Variants in AMER2 observed in about 807,000 individuals in gnomAD.
AMER2 encodes the protein family with sequence similarity 123A.
A neutral mutation model predicts 4.7 loss-of-function variants in AMER2; 1 was observed. The observed-to-expected ratio is 0.21, with a 90% confidence interval of 0.07 to 1.00. AMER2 has a LOEUF of 1.00. Among genes scored for constraint, AMER2 ranks in the 50% least tolerant of loss-of-function variants. AMER2 has a pLI of 0.60. For synonymous variants in AMER2, 485 were observed against 433.3 expected (o/e 1.12, Z -1.48); for missense variants, 988 against 966.9 (o/e 1.02, Z -0.29).
Position 25,171,165 on chromosome 13 carries a change from A to G in AMER2, c.455T>C (p.Leu152Pro), listed in dbSNP as rs756157771. 5.9e-6 allele frequency: 9 copies of G among 1,534,176 alleles called. No individual in the cohort carries two copies. The highest frequency in any genetic ancestry group is 7.9e-6 in the Non-Finnish European group (9 of 1,141,118). The change falls in exon 1 of 1, where the codon CTC (leucine) becomes CCC (proline). Residue 152 changes from leucine to proline, a missense_variant. By Grantham distance (98) the Leu-to-Pro change is moderately conservative. Coordinates refer to ENST00000515384, the MANE Select transcript of AMER2 (RefSeq NM_152704.4). This position sits in a 1 kb window ranked among gnomAD's most constrained non-coding sequence, Gnocchi z 5.9. ...CGACTTGGCCACCGAGCTGCTGGCG[A>G]GGGAGCCCCCGCCGGGCCCTGCGGC... is the stretch of plus-strand genomic sequence containing the variant. ...PRAAGPGGGSLASSSVAKSHS... is the reference protein window; with the variant it reads ...PRAAGPGGGSPASSSVAKSHS...
rs767114243 is a variant in AMER2 at position 25,169,958 on chromosome 13, C to T, written c.1662G>A (p.Ala554=). 6 of 1,614,114 alleles carry T rather than the reference C, an allele frequency of 3.7e-6. No homozygotes were observed. Among genetic ancestry groups the T allele is most frequent in the African/African-American group, 1.3e-5 (1 of 75,050 alleles). Residue 554 remains alanine (A), a synonymous_variant, in exon 1 of 1, where the codon GCG becomes GCA. Transcript: ENST00000515384. This position sits in a 1 kb window ranked among gnomAD's most constrained non-coding sequence, Gnocchi z 4.2. ...GIPRDSYSGD[A]LYDLYADPDG... ...CCGGGTCAGCATAGAGATCATAGAG[C>T]GCGTCCCCGCTGTAGCTATCCCGGG...
rs1431358707 is a variant in AMER2, at chr13:25,166,692, T to A, written c.*2912A>T. ...AAAAGTCAGCAAATATGGGCCTGAA[T>A]AATCTTCACAAGGTCATTAGATATA... On this transcript the variant is annotated 3_prime_UTR_variant, in exon 1 of 1. Transcript: ENST00000515384. 6.6e-6 allele frequency: 1 copy of A among 152,230 alleles called. No individual in the cohort carries two copies. Among genetic ancestry groups the A allele is most frequent in the African/African-American group, 2.4e-5 (1 of 41,456 alleles). 9.4% of individuals were successfully genotyped at this position (152,230 alleles called of 1,614,324 possible). A position where few individuals can be genotyped will look rare whatever the true frequency, so the allele number is the denominator to read the frequency against.
In AMER2 at chr13:25,171,162, G is replaced by C. The variant is rs964123456; in HGVS notation, c.458C>G (p.Ala153Gly). Residue 153 changes from alanine (A) to glycine (G), a missense_variant, in exon 1 of 1, where the codon GCC (alanine) becomes GGC (glycine). Ala to Gly is a moderately conservative substitution (Grantham distance 60). Coordinates refer to ENST00000515384, the MANE Select transcript of AMER2 (RefSeq NM_152704.4). This position sits in a 1 kb window ranked among gnomAD's most constrained non-coding sequence, Gnocchi z 5.9. ...RAAGPGGGSL[A>G]SSSVAKSHSF... ...GTGCGACTTGGCCACCGAGCTGCTG[G>C]CGAGGGAGCCCCCGCCGGGCCCTGC... The C allele has an allele frequency of 2.6e-6, 4 of 1,536,642 alleles. No homozygotes were observed. The East Asian group carries it at 1.1e-4, about 41-fold the overall frequency.
Position 25,170,174 on chromosome 13 carries a change from G to C in AMER2, c.1446C>G (p.Ala482=). ...TGCGCTTGACCGAGGACGCGTCCTTGGCCGCTTCCACACACCTGGTGTCTT... is the reference window on the plus strand; with the variant it reads ...TGCGCTTGACCGAGGACGCGTCCTTCGCCGCTTCCACACACCTGGTGTCTT... ...TPKDTRCVEA[A]KDASSVKRRR... is the part of the protein sequence containing the mutation. The change falls in exon 1 of 1, where the codon GCC becomes GCG. Residue 482 remains alanine, a synonymous_variant. Coordinates refer to ENST00000515384, the MANE Select transcript of AMER2 (RefSeq NM_152704.4). The surrounding 1 kb of genome is among the most constrained non-coding windows in gnomAD (Gnocchi z 7.3). 1 of 1,613,704 alleles carries C rather than the reference G, an allele frequency of 6.2e-7. No homozygotes were observed. Among genetic ancestry groups the C allele is most frequent in the South Asian group, 1.1e-5 (1 of 91,016 alleles).
Position 25,169,874 on chromosome 13 carries a change from G to A in AMER2, c.1746C>T (p.Ser582=), listed in dbSNP as rs35684062. Residue 582 remains serine, a synonymous_variant, in exon 1 of 1, where the codon TCC becomes TCT. Coordinates refer to ENST00000515384, the MANE Select transcript of AMER2 (RefSeq NM_152704.4). The surrounding 1 kb of genome is among the most constrained non-coding windows in gnomAD (Gnocchi z 4.2). ...GKDNEETSSL[S]RLKPVSPGTI... ...TGCCTGGAGATACGGGCTTTAACCG[G>A]GACAGGGAGGACGTCTCCTCGTTGT... The A allele has an allele frequency of 9.9e-4, 1,599 of 1,614,154 alleles. 14 individuals are homozygous for A. In the African/African-American group the frequency reaches 0.019, roughly 19 times the overall value.
chr13:25,163,971 G>A lies in AMER2; in HGVS notation c.*5633C>T, dbSNP rs117655140. ...AAATACAAAAACTAACGGGCATGGT[G>A]GTGCACGCCTGTAGTCTCAGCTACT... On this transcript the variant is annotated 3_prime_UTR_variant, in exon 1 of 1. Transcript: ENST00000515384. 14,278 of 151,866 alleles carry A rather than the reference G, an allele frequency of 0.094. 939 individuals carry two copies. The highest frequency in any genetic ancestry group is 0.22 in the East Asian group (1,108 of 5,134). 9.4% of individuals were successfully genotyped at this position (151,866 alleles called of 1,614,324 possible).
At position 25,170,653 on chromosome 13, in the gene AMER2, C is replaced by T. The variant is rs756046964; in HGVS notation, c.967G>A (p.Gly323Arg). 16 of 1,551,574 alleles carry T rather than the reference C, an allele frequency of 1.0e-5. No homozygotes were observed. The African/African-American group carries it at 1.8e-4, about 17-fold the overall frequency. ...VRTAEDASRTGAVPVKTVPLV... is the reference protein window; with the variant it reads ...VRTAEDASRTRAVPVKTVPLV... Reference sequence around the variant, plus strand: ...GGGACCGTCTTTACGGGAACGGCCCCCGTCCTGGAAGCGTCCTCTGCCGTG... The same window carrying T: ...GGGACCGTCTTTACGGGAACGGCCCTCGTCCTGGAAGCGTCCTCTGCCGTG... Residue 323 changes from glycine (G) to arginine (R), a missense_variant, in exon 1 of 1, where the codon GGG becomes AGG. Physicochemically the swap from Gly to Arg is moderately radical, Grantham distance 125 (BLOSUM62 -2). Transcript: ENST00000515384. This position sits in a 1 kb window ranked among gnomAD's most constrained non-coding sequence, Gnocchi z 7.3.
In AMER2 at chr13:25,169,953, T is replaced by G. The variant is rs761614443; in HGVS notation, c.1667A>C (p.Tyr556Ser). ...PRDSYSGDAL[Y>S]DLYADPDGSP... Reference sequence around the variant, plus strand: ...TCCGTCCGGGTCAGCATAGAGATCATAGAGCGCGTCCCCGCTGTAGCTATC... The same window carrying G: ...TCCGTCCGGGTCAGCATAGAGATCAGAGAGCGCGTCCCCGCTGTAGCTATC... Residue 556 changes from tyrosine (Y) to serine (S), a missense_variant, in exon 1 of 1, where the codon TAT becomes TCT. Transcript: ENST00000515384. The surrounding 1 kb of genome is among the most constrained non-coding windows in gnomAD (Gnocchi z 4.2). 7 of 1,614,010 alleles carry G rather than the reference T, an allele frequency of 4.3e-6. No homozygotes were observed. Among genetic ancestry groups the G allele is most frequent in the Non-Finnish European group, 3.4e-6 (4 of 1,180,016 alleles).
chr13:25,171,510 C>T lies in AMER2; in HGVS notation c.110G>A (p.Gly37Glu). 6.2e-7 allele frequency: 1 copy of T among 1,601,186 alleles called. No homozygotes were observed. The highest frequency in any genetic ancestry group is 8.5e-7 in the Non-Finnish European group (1 of 1,177,166). ...RRKAEAGAGT[G>E]TLAADMDLHC... ...CAAGTCCATGTCTGCCGCGAGGGTC[C>T]CGGTCCCGGCCCCGGCCTCCGCCTT... Residue 37 changes from glycine to glutamate, a missense_variant, in exon 1 of 1, where the codon GGG (glycine) becomes GAG (glutamate). Transcript: ENST00000515384. This position sits in a 1 kb window ranked among gnomAD's most constrained non-coding sequence, Gnocchi z 5.9.
rs1383201692 is a variant in AMER2 at position 25,164,140 on chromosome 13, C to T, written c.*5464G>A. On this transcript the variant is annotated 3_prime_UTR_variant, in exon 1 of 1. Transcript: ENST00000515384. Reference sequence around the variant, plus strand: ...AAAAAAAAAATTAAAGAGGGTAGATCTCATATTCAATATTCTTACTGCAAT... The same window carrying T: ...AAAAAAAAAATTAAAGAGGGTAGATTTCATATTCAATATTCTTACTGCAAT... 6.7e-6 allele frequency: 1 copy of T among 150,290 alleles called. No homozygotes were observed. Among genetic ancestry groups the T allele is most frequent in the African/African-American group, 2.5e-5 (1 of 40,760 alleles). The allele number at this position is 150,290 out of a possible 1,614,324, so 9.3% of individuals were successfully genotyped here.
Position 25,171,023 on chromosome 13 carries a change from G to T in AMER2, c.597C>A (p.Ser199Arg), listed in dbSNP as rs760061851. Residue 199 changes from serine to arginine, a missense_variant, in exon 1 of 1, where the codon AGC (serine) becomes AGA (arginine). Physicochemically the swap from Ser to Arg is moderately radical, Grantham distance 110. Transcript: ENST00000515384. This position sits in a 1 kb window ranked among gnomAD's most constrained non-coding sequence, Gnocchi z 5.9. ...TGTCTTTCCTGTGCCAGCGCATGCC[G>T]CTGAACAGCCCCCGCAGCCCCCGCT... ...KQKRGLRGLF[S>R]GMRWHRKDKR... 7 of 1,571,642 alleles carry T rather than the reference G, an allele frequency of 4.5e-6. No individual in the cohort carries two copies. Among genetic ancestry groups the T allele is most frequent in the African/African-American group, 4.2e-5 (3 of 71,138 alleles).
At position 25,170,899 on chromosome 13, in the gene AMER2, TCTC is replaced by T; in HGVS notation, c.718_720del (p.Glu240del). Reference sequence around the variant, plus strand: ...TCCGGCTCGCGCGCGGCTCTGGGCGTCTCCTCCTTGACGCACTCCAGGCTGGCG... The same window carrying T: ...TCCGGCTCGCGCGCGGCTCTGGGCGTCTCCTTGACGCACTCCAGGCTGGCG... On this transcript the variant is annotated inframe_deletion, in exon 1 of 1. Coordinates refer to ENST00000515384, the MANE Select transcript of AMER2 (RefSeq NM_152704.4). The surrounding 1 kb of genome is among the most constrained non-coding windows in gnomAD (Gnocchi z 7.3). The T allele has an allele frequency of 1.4e-6, 2 of 1,467,340 alleles. No homozygotes were observed. Among genetic ancestry groups the T allele is most frequent in the Non-Finnish European group, 1.8e-6 (2 of 1,117,438 alleles). The allele number at this position is 1,467,340 out of a possible 1,614,324, so 90.9% of individuals were successfully genotyped here. A position where few individuals can be genotyped will look rare whatever the true frequency, so the allele number is the denominator to read the frequency against.
Position 25,170,146 on chromosome 13 carries a change from T to A in AMER2, c.1474A>T (p.Arg492Trp). Residue 492 changes from arginine to tryptophan, a missense_variant, in exon 1 of 1, where the codon AGG becomes TGG. Arg to Trp is a moderately radical substitution (Grantham distance 101, BLOSUM62 -3). Coordinates refer to ENST00000515384, the MANE Select transcript of AMER2 (RefSeq NM_152704.4). This position sits in a 1 kb window ranked among gnomAD's most constrained non-coding sequence, Gnocchi z 7.3. ...GGCTCGATGGGAATCCGGTTGAGCC[T>A]CCTGCGCTTGACCGAGGACGCGTCC... ...AKDASSVKRR[R>W]LNRIPIEPHP... 6.2e-7 allele frequency: 1 copy of A among 1,614,062 alleles called. No individual in the cohort carries two copies. Among genetic ancestry groups the A allele is most frequent in the Non-Finnish European group, 8.5e-7 (1 of 1,180,004 alleles).
rs1956417425 is a variant in AMER2, at chr13:25,162,271, G to A, written c.*7333C>T. ...CCAGCAACTCCCTATATTACACTGA[G>A]ATACTTTATATAAATAACGTGGGCG... On this transcript the variant is annotated 3_prime_UTR_variant, in exon 1 of 1. Coordinates refer to ENST00000515384, the MANE Select transcript of AMER2 (RefSeq NM_152704.4). 6.6e-6 allele frequency: 1 copy of A among 152,042 alleles called. No homozygotes were observed. Among genetic ancestry groups the A allele is most frequent in the African/African-American group, 2.4e-5 (1 of 41,372 alleles). The allele number at this position is 152,042 out of a possible 1,614,324, so 9.4% of individuals were successfully genotyped here.
Position 25,161,978 on chromosome 13 carries a change from G to A in AMER2, c.*7626C>T, listed in dbSNP as rs2137426291. On this transcript the variant is annotated 3_prime_UTR_variant, in exon 1 of 1. Transcript: ENST00000515384. ...CATTAAACCATTGGAGTGGAGAAAGGAGGAAAGACCCTATTGCTATTTAGA... is the reference window on the plus strand; with the variant it reads ...CATTAAACCATTGGAGTGGAGAAAGAAGGAAAGACCCTATTGCTATTTAGA... The A allele has an allele frequency of 2.0e-5, 3 of 152,242 alleles. No homozygotes were observed. In the South Asian group the frequency reaches 6.2e-4, roughly 32 times the overall value. The allele number at this position is 152,242 out of a possible 1,614,324, so 9.4% of individuals were successfully genotyped here. A position where few individuals can be genotyped will look rare whatever the true frequency, so the allele number is the denominator to read the frequency against.
In AMER2 at chr13:25,164,523, T is replaced by TC. The variant is rs1956453597; in HGVS notation, c.*5080dup. On this transcript the variant is annotated 3_prime_UTR_variant, in exon 1 of 1. Coordinates refer to ENST00000515384, the MANE Select transcript of AMER2 (RefSeq NM_152704.4). ...AATGACACTAAGCAGTGCTTAGCTC[T>TC]CTATTACTGAAAATCACTAAAGAGT... 1 of 137,624 alleles carries TC rather than the reference T, an allele frequency of 7.3e-6. No individual in the cohort carries two copies. Among genetic ancestry groups the TC allele is most frequent in the African/African-American group, 2.8e-5 (1 of 35,714 alleles). The allele number at this position is 137,624 out of a possible 1,614,324, so 8.5% of individuals were successfully genotyped here.
rs145230863 is a variant in AMER2, at chr13:25,170,375, C to A, written c.1245G>T (p.Val415=). ...CTTCCCCGCCTCCTTGGTAGGCCAC[C>A]ACGCCGGGGTTCTTTTTAGACAGAG... ...KPALSKKNPG[V]VAYQGGGEEM... The change falls in exon 1 of 1, where the codon GTG becomes GTT. Residue 415 remains valine, a synonymous_variant. Transcript: ENST00000515384. The surrounding 1 kb of genome is among the most constrained non-coding windows in gnomAD (Gnocchi z 7.3). 3,019 of 1,614,108 alleles carry A rather than the reference C, an allele frequency of 1.9e-3. 24 individuals are homozygous for A. The highest frequency in any genetic ancestry group is 0.011 in the South Asian group (987 of 91,068).
Position 25,170,506 on chromosome 13 carries a change from G to A in AMER2, c.1114C>T (p.Leu372=), listed in dbSNP as rs768486921. 1.9e-6 allele frequency: 3 copies of A among 1,614,230 alleles called. No homozygotes were observed. Among genetic ancestry groups the A allele is most frequent in the Non-Finnish European group, 2.5e-6 (3 of 1,180,030 alleles). Reference sequence around the variant, plus strand: ...CCTGTAAGAGAGTCAAAGCTTTTCAGTGAAGTCACGTCAGAAAACATCAAA... The same window carrying A: ...CCTGTAAGAGAGTCAAAGCTTTTCAATGAAGTCACGTCAGAAAACATCAAA... ...ICLMFSDVTS[L]KSFDSLTGCG... Residue 372 remains leucine, a synonymous_variant, in exon 1 of 1, where the codon CTG becomes TTG. Coordinates refer to ENST00000515384, the MANE Select transcript of AMER2 (RefSeq NM_152704.4). The surrounding 1 kb of genome is among the most constrained non-coding windows in gnomAD (Gnocchi z 7.3).
In AMER2 at chr13:25,171,094, C is replaced by T. The variant is rs764359259; in HGVS notation, c.526G>A (p.Gly176Ser). 3.2e-6 allele frequency: 5 copies of T among 1,566,836 alleles called. No homozygotes were observed. Among genetic ancestry groups the T allele is most frequent in the Non-Finnish European group, 4.3e-6 (5 of 1,157,700 alleles). ...CTCGCGTCCACAGGCTCTCCCTTGC[C>T]GTTTTCCGAGCGCCCGTTCTTCTTC... ...LLKKNGRSEN[G>S]KGEPVDASKA... The change falls in exon 1 of 1, where the codon GGC (glycine) becomes AGC (serine). Residue 176 changes from glycine to serine, a missense_variant. By Grantham distance (56) the Gly-to-Ser change is moderately conservative (BLOSUM62 0). Coordinates refer to ENST00000515384, the MANE Select transcript of AMER2 (RefSeq NM_152704.4). The surrounding 1 kb of genome is among the most constrained non-coding windows in gnomAD (Gnocchi z 5.9).
Sources: gnomAD v4.1 joint callset for allele counts on GRCh38, gnomAD v4.1.1 for gene constraint, Gnocchi (gnomAD v3.1) non-coding constraint, MANE v1.5 for transcripts, NCBI Gene and HGNC (gene_info 2026-07-23, HGNC 2026-07-21) for gene names.